The following SLC26A7 variants were observed in gnomAD, a reference collection of about 807,000 sequenced individuals.
The protein encoded by SLC26A7 is anion exchange transporter.
A neutral mutation model predicts 82.5 loss-of-function variants in SLC26A7; 59 were observed. That is an observed-to-expected ratio of 0.72 (90% CI 0.58 to 0.89). The LOEUF is 0.89. Among genes scored for constraint, SLC26A7 ranks in the 40% least tolerant of loss-of-function variants. The pLI, the probability that SLC26A7 is intolerant of heterozygous loss-of-function variation, is 0.00. For synonymous variants in SLC26A7, 271 were observed against 274.3 expected (o/e 0.99, Z 0.12); for missense variants, 820 against 793.0 (o/e 1.03, Z -0.41).
intron 12 of SLC26A7, among the ~76,000 whole-genome samples, 198 bp downstream of exon 12, chr8:91,362,657 A>G (rs1278461230): frequency 2.6e-5 from 4 of 152,100 alleles, no homozygotes; most frequent in African/African-American, 9.7e-5. Flanking sequence ...AACAATGCTG[A>G]TCTTAATGAA....
rs1808586163 is a variant in SLC26A7, at chr8:91,396,850, T to G, written c.*1753T>G. The G allele has an allele frequency of 6.6e-6, 1 of 152,096 alleles. No homozygotes were observed. The highest frequency in any genetic ancestry group is 2.4e-5 in the African/African-American group (1 of 41,450). 9.4% of individuals were successfully genotyped at this position (152,096 alleles called of 1,614,324 possible). A position where few individuals can be genotyped will look rare whatever the true frequency, so the allele number is the denominator to read the frequency against. On this transcript the variant is annotated 3_prime_UTR_variant, in exon 19 of 19. Coordinates refer to ENST00000276609, the MANE Select transcript of SLC26A7 (RefSeq NM_052832.4). Reference sequence around the variant, plus strand: ...GTAATATTCACCATCTCTAATTCATTGGTCACTGGTAGGTAAGCATGAGTT... The same window carrying G: ...GTAATATTCACCATCTCTAATTCATGGGTCACTGGTAGGTAAGCATGAGTT...
At chr8:91,239,385 A>AT (rs1374254059) in intron 2 of SLC26A7, among the ~76,000 whole-genome samples, 5 of 108,186 alleles carry the variant, frequency 4.6e-5, no homozygotes, top group Non-Finnish European at 8.1e-5. Context: ...CAAAAAAAAA[A>AT]AAAAAAAAAA....
In SLC26A7 at chr8:91,340,506, T is replaced by C. The variant is rs1283176623; in HGVS notation, c.981T>C (p.Ala327=). Reference sequence around the variant, plus strand: ...GCTATGTGGCCTCACTGGCTCTTGCTCAAGGATCTGCCAAAAAATTCAAAT... The same window carrying C: ...GCTATGTGGCCTCACTGGCTCTTGCCCAAGGATCTGCCAAAAAATTCAAAT... ...LVGYVASLAL[A]QGSAKKFKYS... Residue 327 remains alanine (A), a synonymous_variant, in exon 8 of 19, where the codon GCT becomes GCC. Coordinates refer to ENST00000276609, the MANE Select transcript of SLC26A7 (RefSeq NM_052832.4). The C allele has an allele frequency of 6.2e-7, 1 of 1,613,920 alleles. No homozygotes were observed. The highest frequency in any genetic ancestry group is 1.7e-5 in the Admixed American group (1 of 60,004).
At chr8:91,264,732 A>C (rs1811063169) in intron 2 of SLC26A7, among the ~76,000 whole-genome samples, 1 of 152,036 alleles carries the variant, frequency 6.6e-6, no homozygotes, top group African/African-American at 2.4e-5. Context: ...GATGTTCAGG[A>C]GGTTACTTGC....
At chr8:91,390,455 T>TA (rs1814931781) in intron 16 of SLC26A7, among the ~76,000 whole-genome samples, 1 of 152,028 alleles carries the variant, frequency 6.6e-6, no homozygotes, top group South Asian at 2.1e-4. Context: ...CCTTCTTTCT[T>TA]ATTTCTTTTT....
intron 9 of SLC26A7, among the ~76,000 whole-genome samples, chr8:91,349,259 A>C (rs149102457): frequency 6.6e-6 from 1 of 152,172 alleles, no homozygotes; most frequent in African/African-American, 2.4e-5. Context: ...CTTATGGTCT[A>C]TTTCATTACA....
At chr8:91,297,620 A>C (rs531923950) in intron 4 of SLC26A7, among the ~76,000 whole-genome samples, 1 of 152,204 alleles carries the variant, frequency 6.6e-6, no homozygotes, top group East Asian at 1.9e-4. Context: ...TATGTGACTT[A>C]CGTTTTAGCC....
intron 3 of SLC26A7, among the ~76,000 whole-genome samples, chr8:91,293,658 T>C (rs918923292): frequency 6.6e-6 from 1 of 152,212 alleles, no homozygotes; most frequent in African/African-American, 2.4e-5. Context: ...TCTCTTTTAC[T>C]GTTCGATTCC....
At chr8:91,384,671 G>T (rs1440233373) in intron 15 of SLC26A7, among the ~76,000 whole-genome samples, 1 of 152,052 alleles carries the variant, frequency 6.6e-6, no homozygotes, top group Admixed American at 6.6e-5. Context: ...TGAGGGCAGT[G>T]ATTACTGTCT....
At chr8:91,391,749 A>G (rs1586485192) in intron 16 of SLC26A7, among the ~76,000 whole-genome samples, 1 of 152,008 alleles carries the variant, frequency 6.6e-6, no homozygotes, top group South Asian at 2.1e-4. Flanking sequence ...TTAAACACCC[A>G]TAGGTGATTC....
intron 15 of SLC26A7, among the ~76,000 whole-genome samples, chr8:91,375,107 C>T (rs1230750562): frequency 6.6e-6 from 1 of 151,866 alleles, no homozygotes; most frequent in African/African-American, 2.4e-5. Context: ...TCTCCACCCC[C>T]TTACTTTGAG....
intron 2 of SLC26A7, among the ~76,000 whole-genome samples, chr8:91,279,370 C>T (rs891343918): frequency 2.0e-5 from 3 of 151,598 alleles, no homozygotes; most frequent in African/African-American, 7.3e-5. Context: ...GGGGAACCTC[C>T]ATACTGTTTT....
At chr8:91,377,758 C>T (rs1173528970) in intron 15 of SLC26A7, among the ~76,000 whole-genome samples, 1 of 152,174 alleles carries the variant, frequency 6.6e-6, no homozygotes, top group Non-Finnish European at 1.5e-5. Context: ...GAAGCACCCC[C>T]ACCTATGTTT....
chr8:91,268,479 G>T (rs1053312119), intron 2 of SLC26A7, among the ~76,000 whole-genome samples: 10 of 151,574 alleles, frequency 6.6e-5, no homozygotes, highest in Non-Finnish European at 1.0e-4. Context: ...GTTTCCATTT[G>T]CATAGAATCT....
Position 91,366,638 on chromosome 8 carries a change from C to A in SLC26A7, c.1547C>A (p.Ala516Glu). Residue 516 changes from alanine (A) to glutamate (E), a missense_variant, in exon 14 of 19, where the codon GCA becomes GAA. Coordinates refer to ENST00000276609, the MANE Select transcript of SLC26A7 (RefSeq NM_052832.4). Reference protein sequence around the residue: ...SINNPLVFLNAKKFYTDLMNM... With the variant: ...SINNPLVFLNEKKFYTDLMNM... ...AACAACCCGCTTGTTTTCCTGAATG[C>A]AAAAAAATTTTATACTGATTTAATG... 1 of 1,612,822 alleles carries A rather than the reference C, an allele frequency of 6.2e-7. No individual in the cohort carries two copies. The highest frequency in any genetic ancestry group is 1.3e-5 in the African/African-American group (1 of 74,856).
chr8:91,220,329 T>C (rs1810138891), intron 2 of SLC26A7, among the ~76,000 whole-genome samples: 1 of 152,250 alleles, frequency 6.6e-6, no homozygotes, highest in East Asian at 1.9e-4. Context: ...ATTAGGGAAA[T>C]AATTTCTTAT....
chr8:91,279,718 C>A (rs1047223591), intron 2 of SLC26A7, among the ~76,000 whole-genome samples: 1 of 152,082 alleles, frequency 6.6e-6, no homozygotes, highest in Non-Finnish European at 1.5e-5. Context: ...CACCACCACG[C>A]CCGGCTAATT....
intron 2 of SLC26A7, among the ~76,000 whole-genome samples, chr8:91,272,035 C>T (rs1418805328): frequency 6.6e-6 from 1 of 151,240 alleles, no homozygotes; most frequent in East Asian, 1.9e-4. Flanking sequence ...TTAGTACTTC[C>T]TAAAAAACTA....
chr8:91,289,646 A>T (rs1811809566), intron 3 of SLC26A7, among the ~76,000 whole-genome samples: 1 of 152,000 alleles, frequency 6.6e-6, no homozygotes, highest in African/African-American at 2.4e-5. Flanking sequence ...CTCTGTCTCA[A>T]GAAAAAAAAA....
Sources: allele counts gnomAD v4.1 joint callset (sites outside exome capture counted in the v4.1 genomes callset), GRCh38; gene constraint gnomAD v4.1.1; transcripts MANE v1.5; gene names NCBI Gene and HGNC (gene_info 2026-07-23, HGNC 2026-07-21).